The following FZD3 variants were observed in gnomAD, a reference collection of about 807,000 sequenced individuals.
FZD3 encodes frizzled-3.
A neutral mutation model predicts 60.7 loss-of-function variants in FZD3; 30 were observed. The observed-to-expected ratio is 0.49, with a 90% CI of 0.37 to 0.67. FZD3 has a LOEUF of 0.67. Ranked by LOEUF, FZD3 falls within the 30% of genes least tolerant of loss-of-function variation. The pLI is 0.00. For missense variants in FZD3, 605 were observed against 838.7 expected (o/e 0.72, Z 3.44); for synonymous variants, 246 against 275.2 (o/e 0.89, Z 1.05).
At chr8:28,506,338 T>C (rs982513945) in intron 3 of FZD3, among the ~76,000 whole-genome samples, 2 of 152,232 alleles carry the variant, frequency 1.3e-5, no homozygotes, top group Non-Finnish European at 2.9e-5. Flanking sequence ...TTTGTGTTGA[T>C]TTCCAATAGG....
rs974862639 is a variant in FZD3 at position 28,573,866 on chromosome 8, G to A, written c.*10855G>A. The A allele has an allele frequency of 6.6e-6, 1 of 152,112 alleles. No individual in the cohort carries two copies. Among genetic ancestry groups the A allele is most frequent in the Admixed American group, 6.6e-5 (1 of 15,260 alleles). 9.4% of individuals were successfully genotyped at this position (152,112 alleles called of 1,614,324 possible). A position where few individuals can be genotyped will look rare whatever the true frequency, so the allele number is the denominator to read the frequency against. On this transcript the variant is annotated 3_prime_UTR_variant, in exon 8 of 8. Transcript: ENST00000240093. ...ACTTTATTCTGAATCAAATTGCTGA[G>A]GTGATTCTAAATGTCTAATGTTGAT...
intron 4 of FZD3, 108 bp downstream of exon 4, chr8:28,520,942 A>G (rs1804562882): frequency 5.3e-6 from 3 of 570,580 alleles, no homozygotes; most frequent in Admixed American, 6.7e-5. Flanking sequence ...AAGTGTACAT[A>G]TTAGTCATTA....
rs186564294 is a variant in FZD3, at chr8:28,522,956, G to A, written c.386+2122G>A. Among the ~76,000 whole-genome samples, 538 of 152,082 alleles carry A rather than the reference G, an allele frequency of 3.5e-3. 3 individuals carry two copies. Among genetic ancestry groups the A allele is most frequent in the Non-Finnish European group, 6.4e-3 (434 of 67,988 alleles). ...AGCTAATTTTTGCATTTTTGGTAGA[G>A]ACGGGGTTTCACCACGTTGGCCAGG... is the stretch of plus-strand genomic sequence containing the variant. On this transcript the variant is annotated intron_variant, in intron 4 of 7. Coordinates refer to ENST00000240093, the MANE Select transcript of FZD3 (RefSeq NM_017412.4).
rs1402114201 is a variant in FZD3 at position 28,555,921 on chromosome 8, C to T, written c.1737C>T (p.His579=). 1.9e-6 allele frequency: 3 copies of T among 1,613,914 alleles called. No homozygotes were observed. Among genetic ancestry groups the T allele is most frequent in the Admixed American group, 1.7e-5 (1 of 59,978 alleles). ...DDQRSKAGSI[H]SKVSSYHGSL... ...AAAGAAGCAAAGCAGGAAGCATCCA[C>T]AGCAAAGTGAGCAGCTACCACGGCA... The change falls in exon 7 of 8, where the codon CAC becomes CAT. Residue 579 remains histidine, a synonymous_variant. Coordinates refer to ENST00000240093, the MANE Select transcript of FZD3 (RefSeq NM_017412.4).
At chr8:28,549,660 C>G (rs530216027) in intron 5 of FZD3, among the ~76,000 whole-genome samples, 3 of 152,062 alleles carry the variant, frequency 2.0e-5, no homozygotes, top group Admixed American at 6.5e-5. Flanking sequence ...GAAAATATTT[C>G]TAGTGGCTTT....
chr8:28,558,459 C>T (rs1460060421), intron 7 of FZD3, among the ~76,000 whole-genome samples: 2 of 151,340 alleles, frequency 1.3e-5, no homozygotes, highest in East Asian at 3.9e-4. Context: ...GAGGCAGAGA[C>T]TCACTTTGTT....
chr8:28,529,616 T>TA (rs2130382183), intron 5 of FZD3, among the ~76,000 whole-genome samples: 1 of 152,286 alleles, frequency 6.6e-6, no homozygotes, highest in Admixed American at 6.5e-5. Context: ...TAAATGCTGA[T>TA]ACATTTTTGA....
At chr8:28,529,001 A>C (rs1228735051) in intron 5 of FZD3, among the ~76,000 whole-genome samples, 1 of 152,114 alleles carries the variant, frequency 6.6e-6, no homozygotes, top group Non-Finnish European at 1.5e-5. Context: ...TGCAGCTTCA[A>C]ACTCCAAGAG....
At chr8:28,536,553 C>T (rs1248090463) in intron 5 of FZD3, among the ~76,000 whole-genome samples, 1 of 152,058 alleles carries the variant, frequency 6.6e-6, no homozygotes, top group African/African-American at 2.4e-5. Context: ...ACTAAAAATA[C>T]AAAAATTAGC....
rs543380842 is a variant in FZD3, at chr8:28,510,533, A to G, written c.189+7331A>G. Among the ~76,000 whole-genome samples, 3 of 152,274 alleles carry G rather than the reference A, an allele frequency of 2.0e-5. No homozygotes were observed. In the South Asian group the frequency reaches 6.2e-4, roughly 32 times the overall value. On this transcript the variant is annotated intron_variant, in intron 3 of 7. Transcript: ENST00000240093. ...AAATGGTGTCTCAATGATTTTCATC[A>G]CCTACTTTACAGAGACAGAAACACC... is the stretch of plus-strand genomic sequence containing the variant.
At chr8:28,529,410 A>G (rs974465446) in intron 5 of FZD3, among the ~76,000 whole-genome samples, 1 of 152,142 alleles carries the variant, frequency 6.6e-6, no homozygotes, top group African/African-American at 2.4e-5. Context: ...TTTGTTTACT[A>G]GTCTGTTTCC....
At chr8:28,542,254 G>C (rs138505920) in intron 5 of FZD3, among the ~76,000 whole-genome samples, 1 of 152,068 alleles carries the variant, frequency 6.6e-6, no homozygotes, top group Non-Finnish European at 1.5e-5. Flanking sequence ...AACTTGTTCT[G>C]TCAGGATTAT....
intron 3 of FZD3, among the ~76,000 whole-genome samples, chr8:28,515,305 C>T (rs182707892): frequency 5.5e-4 from 84 of 152,108 alleles, no homozygotes; most frequent in African/African-American, 1.7e-3. Flanking sequence ...AACTGAGGGA[C>T]GTAAGGCAGA....
At chr8:28,543,388 GT>G (rs11354086) in intron 5 of FZD3, among the ~76,000 whole-genome samples, 13,802 of 146,920 alleles carry the variant, frequency 0.094, 1,758 homozygotes, top group African/African-American at 0.29. Flanking sequence ...TTTTGTTTTT[GT>G]TTTTTTTTTG....
At chr8:28,562,768 T>TA in intron 7 of FZD3, 30 bp from the exon 8 acceptor site, 1 of 1,264,652 alleles carries the variant, frequency 7.9e-7, no homozygotes, top group Non-Finnish European at 1.1e-6. Flanking sequence ...TGTGTTCTGT[T>TA]ACCCACTTCA....
At chr8:28,502,299 T>C (rs1804016224) in intron 2 of FZD3, among the ~76,000 whole-genome samples, 1 of 152,160 alleles carries the variant, frequency 6.6e-6, no homozygotes, top group South Asian at 2.1e-4. Flanking sequence ...AGTTCAATAA[T>C]TTAGGTTATA....
intron 1 of FZD3, among the ~76,000 whole-genome samples, chr8:28,497,695 T>C (rs1803879820): frequency 1.3e-5 from 2 of 152,344 alleles, no homozygotes; most frequent in South Asian, 4.1e-4. Flanking sequence ...GAGCCCTTTC[T>C]GTAGAGAAAG....
chr8:28,498,266 A>G (rs1803896693), intron 1 of FZD3, among the ~76,000 whole-genome samples: 1 of 152,072 alleles, frequency 6.6e-6, no homozygotes. Flanking sequence ...CGATTATGTT[A>G]ATCTAATAGG....
rs377019449 is a variant in FZD3 at position 28,522,200 on chromosome 8, G to A, written c.386+1366G>A. 1.0e-4 allele frequency among the ~76,000 whole-genome samples: 15 copies of A among 150,078 alleles called. 1 individual carries two copies. In the East Asian group the frequency reaches 2.0e-3, roughly 20 times the overall value. On this transcript the variant is annotated intron_variant, in intron 4 of 7. Transcript: ENST00000240093. ...GCTCACTGCAACCTTCACCTCCCGGGTTCAAGCGATTCTCCTGCCTTAGCC... is the reference window on the plus strand; with the variant it reads ...GCTCACTGCAACCTTCACCTCCCGGATTCAAGCGATTCTCCTGCCTTAGCC...
Sources: gnomAD v4.1 joint callset for allele counts (sites outside exome capture counted in the v4.1 genomes callset) on GRCh38, gnomAD v4.1.1 for gene constraint, MANE v1.5 for transcripts, NCBI Gene and HGNC (gene_info 2026-07-23, HGNC 2026-07-21) for gene names.